MACROD2: variants seen among roughly 807,000 people sequenced by gnomAD.
MACROD2 encodes the protein mono-ADP ribosylhydrolase 2.
In MACROD2, 36 loss-of-function variants were observed where a neutral mutation model predicts 70.4. The observed-to-expected ratio is 0.51, with a 90% CI of 0.39 to 0.68. The LOEUF (loss-of-function observed/expected upper bound fraction) is 0.68. MACROD2 is among the 30% of genes least tolerant of loss of function. The pLI is 0.00. For missense variants in MACROD2, 496 were observed against 538.4 expected (o/e 0.92, Z 0.78); for synonymous variants, 172 against 178.8 (o/e 0.96, Z 0.30).
intron 3 of MACROD2, among the ~76,000 whole-genome samples, chr20:14,272,105 T>C (rs200507150): frequency 6.6e-6 from 1 of 151,978 alleles, no homozygotes; most frequent in Admixed American, 6.6e-5. Flanking sequence ...CCCAATCTAG[T>C]AAGGCAGGCC....
At chr20:14,917,617 C>T (rs367929627) in intron 5 of MACROD2, among the ~76,000 whole-genome samples, 2 of 151,878 alleles carry the variant, frequency 1.3e-5, no homozygotes, top group Non-Finnish European at 2.9e-5. Flanking sequence ...CAAAACACAC[C>T]GACTACAACA....
At chr20:14,168,789 A>G (rs1018735847) in intron 3 of MACROD2, among the ~76,000 whole-genome samples, 3 of 152,222 alleles carry the variant, frequency 2.0e-5, no homozygotes, top group Non-Finnish European at 4.4e-5. Context: ...AGAAGAATTG[A>G]TACCAATCCT....
At chr20:14,294,134 G>A (rs975929382) in intron 3 of MACROD2, among the ~76,000 whole-genome samples, 1 of 151,724 alleles carries the variant, frequency 6.6e-6, no homozygotes, top group Non-Finnish European at 1.5e-5. Context: ...ACCTTTTTAT[G>A]TATGTAAGTC....
Position 15,990,462 on chromosome 20 carries a change from A to AT in MACROD2, c.1153+3311dup, listed in dbSNP as rs541279904. 2.8e-4 allele frequency among the ~76,000 whole-genome samples: 43 copies of AT among 152,222 alleles called. No homozygotes were observed. The South Asian group carries it at 7.5e-3, about 26-fold the overall frequency. ...TGTTTTATTATGATATATATTGGATATTTTTTTCTCTAAGTGTTAAACAGA... is the reference window on the plus strand; with the variant it reads ...TGTTTTATTATGATATATATTGGATATTTTTTTTCTCTAAGTGTTAAACAGA... On this transcript the variant is annotated intron_variant, in intron 15 of 17. Coordinates refer to ENST00000684519, the MANE Select transcript of MACROD2 (RefSeq NM_001351661.2).
intron 6 of MACROD2, among the ~76,000 whole-genome samples, chr20:15,390,315 C>T (rs987599909): frequency 1.3e-5 from 2 of 152,162 alleles, no homozygotes; most frequent in African/African-American, 4.8e-5. Context: ...CTATGAAATA[C>T]AGTGCCCTCT....
At chr20:15,972,378 A>G (rs1046682797) in intron 13 of MACROD2, among the ~76,000 whole-genome samples, 3 of 152,196 alleles carry the variant, frequency 2.0e-5, no homozygotes, top group African/African-American at 7.2e-5. Context: ...AAGAAGTTCT[A>G]TGACCCCAAA....
intron 6 of MACROD2, among the ~76,000 whole-genome samples, chr20:15,407,574 C>T (rs1411500422): frequency 1.3e-5 from 2 of 152,158 alleles, no homozygotes; most frequent in East Asian, 3.9e-4. Context: ...AGAGAGGCAG[C>T]CTAGCACGGT....
chr20:14,293,943 A>G (rs1040827), intron 3 of MACROD2, among the ~76,000 whole-genome samples: 29 of 151,982 alleles, frequency 1.9e-4, no homozygotes, highest in African/African-American at 7.0e-4. Context: ...CATTATTTCA[A>G]AAATGGTGAA....
chr20:14,220,816 A>G (rs1375083922), intron 3 of MACROD2, among the ~76,000 whole-genome samples: 1 of 152,178 alleles, frequency 6.6e-6, no homozygotes, highest in African/African-American at 2.4e-5. Flanking sequence ...CTGTGTGTTC[A>G]GGAGAGGAGG....
chr20:14,460,231 G>T (rs1392368073), intron 3 of MACROD2, among the ~76,000 whole-genome samples: 1 of 152,042 alleles, frequency 6.6e-6, no homozygotes, highest in East Asian at 1.9e-4. Context: ...AATCCTTTGG[G>T]TATACACCCA....
intron 5 of MACROD2, among the ~76,000 whole-genome samples, chr20:15,176,085 G>A (rs1265402173): frequency 4.6e-5 from 7 of 152,236 alleles, no homozygotes. Flanking sequence ...ATGTGGCCAG[G>A]TATGTGTATT....
At chr20:14,001,185 CTTTGGGCAAACTACTTTGCTGTGCTTCA>C (rs2052729052) in intron 1 of MACROD2, among the ~76,000 whole-genome samples, 1 of 152,140 alleles carries the variant, frequency 6.6e-6, no homozygotes, top group African/African-American at 2.4e-5. Flanking sequence ...ACCTCTCTTG[CTTTGGGCAAACTACTTTGCTGTGCTTCA>C]TTTCCCTATC....
chr20:15,412,657 C>A (rs1016735188), intron 6 of MACROD2, among the ~76,000 whole-genome samples: 1 of 152,160 alleles, frequency 6.6e-6, no homozygotes, highest in Non-Finnish European at 1.5e-5. Flanking sequence ...ATTATCGAGA[C>A]TGTAGGGCAA....
chr20:14,769,562 G>A (rs546806278), intron 5 of MACROD2, among the ~76,000 whole-genome samples: 13 of 152,104 alleles, frequency 8.5e-5, no homozygotes, highest in African/African-American at 3.1e-4. Flanking sequence ...ATATTGTACC[G>A]CACCTATCAA....
At chr20:15,234,009 A>ATTGTTTTTTT in intron 6 of MACROD2, among the ~76,000 whole-genome samples, 1 of 39,994 alleles carries the variant, frequency 2.5e-5, no homozygotes, top group South Asian at 1.1e-3. Context: ...ATATATATAT[A>ATTGTTTTTTT]TTCTTTTTTT....
At chr20:15,645,560 G>A (rs1161609791) in intron 8 of MACROD2, among the ~76,000 whole-genome samples, 2 of 152,180 alleles carry the variant, frequency 1.3e-5, no homozygotes, top group Non-Finnish European at 2.9e-5. Context: ...CTGAAAAGCA[G>A]CAAAAGAGAA....
At chr20:15,823,510 G>T (rs988576998) in intron 8 of MACROD2, among the ~76,000 whole-genome samples, 1 of 152,048 alleles carries the variant, frequency 6.6e-6, no homozygotes, top group African/African-American at 2.4e-5. Flanking sequence ...TCCATTCTTT[G>T]ATCAAACATG....
At chr20:14,597,154 C>A (rs1982200106) in intron 4 of MACROD2, among the ~76,000 whole-genome samples, 1 of 152,094 alleles carries the variant, frequency 6.6e-6, no homozygotes, top group Admixed American at 6.5e-5. Context: ...ATTTGAGGAA[C>A]AATTTTTACA....
At chr20:15,944,914 A>G (rs1216199825) in intron 12 of MACROD2, among the ~76,000 whole-genome samples, 2 of 152,136 alleles carry the variant, frequency 1.3e-5, no homozygotes, top group Non-Finnish European at 2.9e-5. Flanking sequence ...ATTGTAATGC[A>G]ATTTTTCTCT....
Sources: gnomAD v4.1 joint callset for allele counts (sites outside exome capture counted in the v4.1 genomes callset) on GRCh38, gnomAD v4.1.1 for gene constraint, MANE v1.5 for transcripts, NCBI Gene and HGNC (gene_info 2026-07-23, HGNC 2026-07-21) for gene names.